SLC49A4: variants seen among roughly 807,000 people sequenced by gnomAD.
The protein encoded by SLC49A4 is solute carrier family 49 member 4, also known as disrupted in renal cancer protein 2.
In SLC49A4, 36 loss-of-function variants were observed where a neutral mutation model predicts 50.6. The ratio of observed to expected loss-of-function variants is 0.71; its 90% CI spans 0.55 to 0.94. The LOEUF is 0.94. Among genes scored for constraint, SLC49A4 ranks in the 40% least tolerant of loss-of-function variants. SLC49A4 has a pLI of 0.00. For missense variants in SLC49A4, 503 were observed against 605.7 expected, an observed-to-expected ratio of 0.83 and a Z score of 1.78; for synonymous variants, 248 against 241.2, an observed-to-expected ratio of 1.03 and a Z score of -0.26.
chr3:122,809,728 C>A (rs1425079272), intron 2 of SLC49A4, among the ~76,000 whole-genome samples: 1 of 151,940 alleles, frequency 6.6e-6, no homozygotes, highest in Non-Finnish European at 1.5e-5. Flanking sequence ...AGAAACAATT[C>A]ATAAATAAAT....
intron 5 of SLC49A4, among the ~76,000 whole-genome samples, chr3:122,848,281 T>C (rs778686456): frequency 5.9e-5 from 9 of 152,190 alleles, no homozygotes; most frequent in Non-Finnish European, 1.3e-4. Flanking sequence ...CTATTCATCT[T>C]TGTTGTAAGC....
At chr3:122,844,086 C>G (rs1260825975) in intron 4 of SLC49A4, among the ~76,000 whole-genome samples, 1 of 152,154 alleles carries the variant, frequency 6.6e-6, no homozygotes, top group Non-Finnish European at 1.5e-5. Context: ...GAAAACAGAC[C>G]CTGTAACATG....
At chr3:122,855,675 G>A (rs1311535742) in intron 5 of SLC49A4, among the ~76,000 whole-genome samples, 1 of 152,178 alleles carries the variant, frequency 6.6e-6, no homozygotes, top group Non-Finnish European at 1.5e-5. Context: ...GTAATAATAA[G>A]AACAGCTAAT....
chr3:122,818,272 G>A (rs764108380), intron 2 of SLC49A4, among the ~76,000 whole-genome samples: 1 of 152,110 alleles, frequency 6.6e-6, no homozygotes, highest in African/African-American at 2.4e-5. Context: ...ATGACTTAGT[G>A]CATAAGCTGT....
At chr3:122,818,907 C>T (rs1936414240) in intron 2 of SLC49A4, among the ~76,000 whole-genome samples, 2 of 151,836 alleles carry the variant, frequency 1.3e-5, no homozygotes, top group Admixed American at 6.6e-5. Flanking sequence ...CACACCACTG[C>T]ACTCCAGCCT....
intron 8 of SLC49A4, among the ~76,000 whole-genome samples, chr3:122,875,828 T>C (rs548487144): frequency 6.6e-6 from 1 of 152,320 alleles, no homozygotes; most frequent in African/African-American, 2.4e-5. Context: ...CATAATGGAA[T>C]ATCTTGCCTA....
intron 4 of SLC49A4, among the ~76,000 whole-genome samples, chr3:122,834,447 A>G (rs568083213): frequency 2.0e-5 from 3 of 152,312 alleles, no homozygotes; most frequent in South Asian, 2.1e-4. Context: ...AAATTAAACA[A>G]TCTGCTCCTG....
At chr3:122,859,994 T>G in intron 6 of SLC49A4, 81 bp from the exon 7 acceptor site, 1 of 1,160,116 alleles carries the variant, frequency 8.6e-7, no homozygotes, top group Non-Finnish European at 1.2e-6. Flanking sequence ...ATTCCTCAAG[T>G]AGTTGTTAGT....
At chr3:122,859,799 T>G (rs1248920102) in intron 6 of SLC49A4, among the ~76,000 whole-genome samples, 2 of 152,108 alleles carry the variant, frequency 1.3e-5, no homozygotes, top group Non-Finnish European at 2.9e-5. Context: ...AGCCAGGCAA[T>G]GGTGAGATCC....
At position 122,880,499 on chromosome 3, in the gene SLC49A4, A is replaced by G. The variant is rs1937323691; in HGVS notation, c.*1121A>G. The G allele has an allele frequency of 6.6e-6, 1 of 152,200 alleles. No individual in the cohort carries two copies. Among genetic ancestry groups the G allele is most frequent in the Admixed American group, 6.5e-5 (1 of 15,282 alleles). 9.4% of individuals were successfully genotyped at this position (152,200 alleles called of 1,614,324 possible). ...GCTGTCAGACACAGATTTCACTGTG[A>G]CGTAAAATACACTGCAGTGAGAATA... On this transcript the variant is annotated 3_prime_UTR_variant, in exon 9 of 9. Transcript: ENST00000261038.
intron 7 of SLC49A4, among the ~76,000 whole-genome samples, chr3:122,863,640 G>A (rs1937082517): frequency 6.6e-6 from 1 of 152,118 alleles, no homozygotes; most frequent in Non-Finnish European, 1.5e-5. Flanking sequence ...ATACCTTTAG[G>A]CTGGTATTTA....
intron 2 of SLC49A4, among the ~76,000 whole-genome samples, chr3:122,818,000 C>T (rs1184422933): frequency 2.0e-5 from 3 of 151,878 alleles, no homozygotes; most frequent in African/African-American, 4.8e-5. Context: ...AAACAGTTTG[C>T]GAGTATATTT....
intron 2 of SLC49A4, among the ~76,000 whole-genome samples, chr3:122,814,371 C>T (rs928605066): frequency 3.3e-5 from 5 of 152,032 alleles, no homozygotes; most frequent in Admixed American, 3.3e-4. Flanking sequence ...CTTTATGCTT[C>T]AAAACAGATT....
intron 4 of SLC49A4, among the ~76,000 whole-genome samples, chr3:122,843,980 C>T (rs1936814897): frequency 6.6e-6 from 1 of 152,218 alleles, no homozygotes. Context: ...TACTCATTCT[C>T]ATTGTGTACC....
chr3:122,834,399 A>G (rs1936648380), intron 4 of SLC49A4, among the ~76,000 whole-genome samples: 1 of 152,254 alleles, frequency 6.6e-6, no homozygotes, highest in East Asian at 1.9e-4. Context: ...CTAGAAATCA[A>G]CTCCAAAAGG....
intron 5 of SLC49A4, among the ~76,000 whole-genome samples, chr3:122,848,073 G>A (rs1000782853): frequency 2.0e-5 from 3 of 151,696 alleles, no homozygotes; most frequent in Non-Finnish European, 4.4e-5. Context: ...TAGATAGAGA[G>A]CATTTCTATC....
chr3:122,810,306 G>A lies in SLC49A4; in HGVS notation c.437+3356G>A, dbSNP rs143087194. ...ACTCAGGAAAAAATTATTTTGCCAC[G>A]TTTTTCTTATAACATCTTAGATAAA... On this transcript the variant is annotated intron_variant, in intron 2 of 8. Transcript: ENST00000261038. 3.8e-3 allele frequency among the ~76,000 whole-genome samples: 575 copies of A among 152,130 alleles called. 4 individuals are homozygous for A. The highest frequency in any genetic ancestry group is 0.013 in the African/African-American group (541 of 41,516).
Position 122,880,882 on chromosome 3 carries a change from C to T in SLC49A4, c.*1504C>T, listed in dbSNP as rs1009489754. On this transcript the variant is annotated 3_prime_UTR_variant, in exon 9 of 9. Coordinates refer to ENST00000261038, the MANE Select transcript of SLC49A4 (RefSeq NM_032839.3). ...TACAAGGCTGTGCATTAACTCACCT[C>T]GGTCCTAGAGGAGTATCCTAGTACT... 3 of 152,206 alleles carry T rather than the reference C, an allele frequency of 2.0e-5. No individual in the cohort carries two copies. The highest frequency in any genetic ancestry group is 2.9e-5 in the Non-Finnish European group (2 of 68,076). The allele number at this position is 152,206 out of a possible 1,614,324, so 9.4% of individuals were successfully genotyped here. A position where few individuals can be genotyped will look rare whatever the true frequency, so the allele number is the denominator to read the frequency against.
chr3:122,846,642 C>T (rs940597127), intron 5 of SLC49A4, among the ~76,000 whole-genome samples: 1 of 152,180 alleles, frequency 6.6e-6, no homozygotes, highest in South Asian at 2.1e-4. Flanking sequence ...ATGTGTAATC[C>T]TACCAGCAAA....
Sources: allele counts gnomAD v4.1 joint callset (sites outside exome capture counted in the v4.1 genomes callset), GRCh38; gene constraint gnomAD v4.1.1; transcripts MANE v1.5; gene names NCBI Gene and HGNC (gene_info 2026-07-23, HGNC 2026-07-21).